The following PCNX2 variants were observed in gnomAD, a reference collection of about 807,000 sequenced individuals.
The protein encoded by PCNX2 is pecanex 2, also known as pecanex-like protein 2.
In PCNX2, 168 loss-of-function variants were observed where a neutral mutation model predicts 223.8. The observed-to-expected ratio is 0.75, with a 90% CI of 0.66 to 0.85. The LOEUF (loss-of-function observed/expected upper bound fraction) is 0.85. Among genes scored for constraint, PCNX2 ranks in the 40% least tolerant of loss-of-function variants. The pLI is 0.00. For synonymous variants in PCNX2, 1,006 were observed against 1,052.6 expected (o/e 0.96, Z 0.86); for missense variants, 2,507 against 2,675.5 (o/e 0.94, Z 1.39).
At chr1:233,294,124 A>G (rs1358914208) in intron 1 of PCNX2, 2 of 460,758 alleles carry the variant, frequency 4.3e-6, no homozygotes, top group East Asian at 3.1e-4. Context: ...AAGTTTTAGA[A>G]AAGTTCAGTA....
At chr1:233,006,914 G>A (rs1670306182) in intron 28 of PCNX2, among the ~76,000 whole-genome samples, 1 of 151,922 alleles carries the variant, frequency 6.6e-6, no homozygotes, top group South Asian at 2.1e-4. Flanking sequence ...CTTAGTCACT[G>A]TCCCAGGCTC....
chr1:233,218,398 G>A (rs942269023), intron 10 of PCNX2, among the ~76,000 whole-genome samples: 10 of 146,920 alleles, frequency 6.8e-5, no homozygotes, highest in African/African-American at 1.6e-4. Context: ...ACAGGCACCC[G>A]CCACCAAGCC....
chr1:233,011,898 A>G lies in PCNX2; in HGVS notation c.4952+2767T>C, dbSNP rs117539185. Among the ~76,000 whole-genome samples, 4 of 152,310 alleles carry G rather than the reference A, an allele frequency of 2.6e-5. No individual in the cohort carries two copies. In the East Asian group the frequency reaches 7.7e-4, roughly 29 times the overall value. ...CCTGGATTCTGTGAACTGCTCTAGCAAATTCATTGACCCCAAAGAGGGAAT... is the reference window on the plus strand; with the variant it reads ...CCTGGATTCTGTGAACTGCTCTAGCGAATTCATTGACCCCAAAGAGGGAAT... On this transcript the variant is annotated intron_variant, in intron 28 of 33. Transcript: ENST00000258229.
At chr1:233,243,932 A>T (rs879738370) in intron 8 of PCNX2, among the ~76,000 whole-genome samples, 2 of 152,040 alleles carry the variant, frequency 1.3e-5, no homozygotes, top group Non-Finnish European at 2.9e-5. Context: ...CCCAGGTTCA[A>T]GCTATTCTCC....
At chr1:233,116,192 A>C (rs1207050041) in intron 21 of PCNX2, among the ~76,000 whole-genome samples, 1 of 152,216 alleles carries the variant, frequency 6.6e-6, no homozygotes, top group Non-Finnish European at 1.5e-5. Flanking sequence ...AAACTTCAAC[A>C]CACCACTCTC....
chr1:233,062,050 C>T (rs1477933520), intron 23 of PCNX2, among the ~76,000 whole-genome samples: 23 of 152,238 alleles, frequency 1.5e-4, no homozygotes, highest in East Asian at 5.8e-4. Context: ...TGAGCCACTG[C>T]GCCTAGCCCC....
chr1:233,087,494 C>T (rs765806979), intron 23 of PCNX2, among the ~76,000 whole-genome samples: 8 of 152,130 alleles, frequency 5.3e-5, no homozygotes, highest in East Asian at 3.9e-4. Flanking sequence ...GTAATTAGAA[C>T]GGCCACATAG....
In PCNX2 at chr1:233,286,832, C is replaced by T. The variant is rs189025876; in HGVS notation, c.153+8494G>A. 3.9e-5 allele frequency among the ~76,000 whole-genome samples: 6 copies of T among 152,174 alleles called. No individual in the cohort carries two copies. In the East Asian group the frequency reaches 1.2e-3, roughly 29 times the overall value. On this transcript the variant is annotated intron_variant, in intron 1 of 33. Coordinates refer to ENST00000258229, the MANE Select transcript of PCNX2 (RefSeq NM_014801.4). ...TCTCCAAAGCCAAGGACATCAGAAA[C>T]ATCAGTCAACGCATGAGGGAGGAAG... is the stretch of plus-strand genomic sequence containing the variant.
intron 13 of PCNX2, among the ~76,000 whole-genome samples, chr1:233,200,788 G>A (rs1681040430): frequency 6.6e-6 from 1 of 151,856 alleles, no homozygotes; most frequent in Non-Finnish European, 1.5e-5. Flanking sequence ...TTGGGAGGCC[G>A]AGGTGGGCGG....
At chr1:233,097,028 G>C (rs1475632854) in intron 21 of PCNX2, among the ~76,000 whole-genome samples, 6 of 152,094 alleles carry the variant, frequency 3.9e-5, no homozygotes, top group Non-Finnish European at 8.8e-5. Context: ...TAAATATTCT[G>C]GTTTAGGAGA....
the PCNX2 span, among the ~76,000 whole-genome samples, chr1:233,316,384 CTTGT>C: frequency 7.2e-6 from 1 of 139,792 alleles, no homozygotes; most frequent in African/African-American, 2.7e-5. Context: ...ATTATTCTTA[CTTGT>C]TTAACTGCAC....
At chr1:233,191,444 C>G (rs1680412998) in intron 15 of PCNX2, among the ~76,000 whole-genome samples, 1 of 152,128 alleles carries the variant, frequency 6.6e-6, no homozygotes, top group South Asian at 2.1e-4. Flanking sequence ...AGTGTGGGGT[C>G]CCAGTCCAAA....
the PCNX2 span, among the ~76,000 whole-genome samples, chr1:233,318,563 C>CTTTTTTTTTTTTTTTTTTTTTT: frequency 4.3e-5 from 4 of 92,504 alleles, no homozygotes; most frequent in Admixed American, 1.3e-4. Context: ...TTTTCTTTTT[C>CTTTTTTTTTTTTTTTTTTTTTT]TTTTTTTTTT....
At chr1:233,115,631 A>G (rs1436066457) in intron 21 of PCNX2, among the ~76,000 whole-genome samples, 1 of 152,234 alleles carries the variant, frequency 6.6e-6, no homozygotes, top group East Asian at 1.9e-4. Flanking sequence ...TAGAGAACTA[A>G]AGGGCCAGCA....
At chr1:233,069,738 AAAG>A (rs1287394434) in intron 23 of PCNX2, among the ~76,000 whole-genome samples, 1 of 152,192 alleles carries the variant, frequency 6.6e-6, no homozygotes, top group Non-Finnish European at 1.5e-5. Context: ...GAACATAGCT[AAAG>A]AAGTGTTGAA....
chr1:233,151,182 T>G (rs1677782764), intron 19 of PCNX2, among the ~76,000 whole-genome samples: 1 of 152,192 alleles, frequency 6.6e-6, no homozygotes, highest in African/African-American at 2.4e-5. Flanking sequence ...TGTATGTTAT[T>G]TAAATTACAA....
chr1:233,093,821 G>T (rs2102945366), intron 22 of PCNX2, among the ~76,000 whole-genome samples: 1 of 152,280 alleles, frequency 6.6e-6, no homozygotes, highest in African/African-American at 2.4e-5. Context: ...CTGTAAAATG[G>T]AACCACCAAA....
intron 28 of PCNX2, among the ~76,000 whole-genome samples, chr1:233,004,140 T>TA (rs570481594): frequency 2.9e-4 from 42 of 145,378 alleles, no homozygotes; most frequent in East Asian, 1.6e-3. Flanking sequence ...AAAGTATAAT[T>TA]AAAAAAAAAA....
chr1:233,099,481 C>T (rs1235685142), intron 21 of PCNX2, among the ~76,000 whole-genome samples: 1 of 152,202 alleles, frequency 6.6e-6, no homozygotes, highest in Non-Finnish European at 1.5e-5. Context: ...TGATGACACT[C>T]GAGGGATCTC....
Sources: allele counts gnomAD v4.1 joint callset (sites outside exome capture counted in the v4.1 genomes callset), GRCh38; gene constraint gnomAD v4.1.1; transcripts MANE v1.5; gene names NCBI Gene and HGNC (gene_info 2026-07-23, HGNC 2026-07-21).